PGA5: variants seen among roughly 807,000 people sequenced by gnomAD.
PGA5 encodes the protein pepsin A-5.
Under a neutral mutation model 15.9 loss-of-function variants are expected in PGA5, and 19 were observed. The ratio of observed to expected loss-of-function variants is 1.19; its 90% CI spans 0.83 to 1.75. PGA5 has a LOEUF of 1.75. Ranked by LOEUF, PGA5 falls within the 40% of genes most tolerant of loss-of-function variation. The probability of loss-of-function intolerance (pLI) is 0.00; values close to 1 mark genes in which losing one functional copy is unlikely to be tolerated. For missense variants in PGA5, 224 were observed against 246.4 expected (o/e 0.91, Z 0.61); for synonymous variants, 92 against 95.8 (o/e 0.96, Z 0.23).
chr11:61,247,626 C>G lies in PGA5; in HGVS notation c.657-793C>G, dbSNP rs147588833. On this transcript the variant is annotated intron_variant, in intron 5 of 8. Transcript: ENST00000312403. ...GTCTACATTTCCTTCCACATCTAAC[C>G]TGAAACTGCAGAGATTTAGAAAATG... 1.2e-3 allele frequency among the ~76,000 whole-genome samples: 184 copies of G among 152,146 alleles called. 1 individual carries two copies. The highest frequency in any genetic ancestry group is 4.1e-3 in the African/African-American group (170 of 41,420).
intron 5 of PGA5, among the ~76,000 whole-genome samples, chr11:61,247,155 T>A (rs970838971): frequency 6.6e-5 from 10 of 151,990 alleles, no homozygotes; most frequent in African/African-American, 1.9e-4. Context: ...GTCTCCTCGG[T>A]TGGTAACTAC....
intron 6 of PGA5, chr11:61,249,202 A>C (rs1854105872): frequency 3.4e-6 from 1 of 291,570 alleles, no homozygotes; most frequent in African/African-American, 2.2e-5. Context: ...CACCTGCCCC[A>C]GCCCTCTGGT....
At chr11:61,246,444 C>G (rs919551499) in intron 5 of PGA5, among the ~76,000 whole-genome samples, 4 of 151,858 alleles carry the variant, frequency 2.6e-5, no homozygotes, top group Admixed American at 6.6e-5. Context: ...CCCTTGGCCC[C>G]CAAAGATACC....
chr11:61,246,481 C>T (rs1046629828), intron 5 of PGA5, among the ~76,000 whole-genome samples: 12 of 151,868 alleles, frequency 7.9e-5, no homozygotes, highest in South Asian at 4.1e-4. Context: ...GTTAGCCAGG[C>T]ATGGTGTCTC....
chr11:61,250,367 C>A (rs1217252586), intron 8 of PGA5, among the ~76,000 whole-genome samples: 1 of 151,484 alleles, frequency 6.6e-6, no homozygotes, highest in Non-Finnish European at 1.5e-5. Flanking sequence ...GTAGAGATGG[C>A]AGCTTTCCCC....
In PGA5 at chr11:61,249,812, A is replaced by G; in HGVS notation, c.917A>G (p.Asp306Gly). ...GGAGCCAGCGAGAACTCAGATGGCG[A>G]CGTGAGTCCAGCCCCGACTGCCCTG... is the stretch of plus-strand genomic sequence containing the variant. ...DIGASENSDG[D>G]MVVSCSAISS... The change falls in exon 7 of 9, where the codon GAC (aspartate) becomes GGC (glycine). Residue 306 changes from aspartate (D) to glycine (G), a missense_variant and splice_region_variant. Coordinates refer to ENST00000312403, the MANE Select transcript of PGA5 (RefSeq NM_014224.5). 6.2e-7 allele frequency: 1 copy of G among 1,613,584 alleles called. No homozygotes were observed. Among genetic ancestry groups the G allele is most frequent in the Non-Finnish European group, 8.5e-7 (1 of 1,179,826 alleles).
Position 61,250,017 on chromosome 11 carries a change from G to A in PGA5, c.1017+3G>A. On this transcript the variant is annotated splice_donor_region_variant and intron_variant, in intron 8 of 8. Transcript: ENST00000312403. The stretch of plus-strand genomic sequence containing the variant: ...CACCCAGTGCCTACATCCTGCAGGT[G>A]AGGAGGCTCTGGACCATCCACTAGA... 1.2e-6 allele frequency: 2 copies of A among 1,607,030 alleles called. No homozygotes were observed. Among genetic ancestry groups the A allele is most frequent in the South Asian group, 1.1e-5 (1 of 90,364 alleles).
chr11:61,249,553 T>G, intron 6 of PGA5, 116 bp from the exon 7 acceptor site: 5 of 1,572,520 alleles, frequency 3.2e-6, no homozygotes, highest in Non-Finnish European at 3.5e-6. Flanking sequence ...AACAGAAATT[T>G]CACGCATTGG....
intron 5 of PGA5, among the ~76,000 whole-genome samples, chr11:61,247,066 C>G (rs1356005506): frequency 6.6e-6 from 1 of 151,992 alleles, no homozygotes; most frequent in Non-Finnish European, 1.5e-5. Context: ...GGGCATCCTC[C>G]ACTTTCTTAA....
At position 61,249,678 on chromosome 11, in the gene PGA5, G is replaced by C. The variant is rs539466850; in HGVS notation, c.783G>C (p.Met261Ile). The C allele has an allele frequency of 6.2e-7, 1 of 1,613,444 alleles. No individual in the cohort carries two copies. Residue 261 changes from methionine to isoleucine, a missense_variant, in exon 7 of 9, where the codon ATG becomes ATC. Physicochemically the swap from Met to Ile is conservative, Grantham distance 10 (BLOSUM62 1). Transcript: ENST00000312403. ...TGCTTCTTACCCTCAGCATCACCAT[G>C]AACGGAGAGACCATCGCCTGTGCTG... is the stretch of plus-strand genomic sequence containing the variant. ...YWQITVDSIT[M>I]NGETIACAEG...
At chr11:61,249,388 C>G in intron 6 of PGA5, 1 of 574,718 alleles carries the variant, frequency 1.7e-6, no homozygotes. Flanking sequence ...GCCAACATAA[C>G]TTATCTTGCC....
intron 5 of PGA5, among the ~76,000 whole-genome samples, chr11:61,247,546 G>A (rs571694348): frequency 3.3e-5 from 5 of 151,926 alleles, no homozygotes; most frequent in Non-Finnish European, 7.4e-5. Flanking sequence ...CAAAGTGCTG[G>A]GATTACAGGC....
At position 61,248,542 on chromosome 11, in the gene PGA5, C is replaced by T. The variant is rs12286703; in HGVS notation, c.773+7C>T. ...GGCAGATCACCGTGGACAGGTGAGACTGCCATGAACGGGCAGCATCCAGGC... is the reference window on the plus strand; with the variant it reads ...GGCAGATCACCGTGGACAGGTGAGATTGCCATGAACGGGCAGCATCCAGGC... On this transcript the variant is annotated splice_region_variant and intron_variant, in intron 6 of 8. Transcript: ENST00000312403. The T allele has an allele frequency of 0.05, 80,390 of 1,611,292 alleles. 14,803 individuals are homozygous for T. In the African/African-American group the frequency reaches 0.58, roughly 12 times the overall value.
intron 6 of PGA5, 177 bp from the exon 7 acceptor site, chr11:61,249,492 A>G (rs1480280938): frequency 1.6e-6 from 2 of 1,253,930 alleles, no homozygotes; most frequent in Non-Finnish European, 2.2e-6. Flanking sequence ...GCACTTGGGA[A>G]ATATTTGTAG....
intron 6 of PGA5, among the ~76,000 whole-genome samples, chr11:61,248,801 C>A (rs1010176855): frequency 6.6e-6 from 1 of 152,086 alleles, no homozygotes; most frequent in Admixed American, 6.5e-5. Context: ...GCAGGACCAT[C>A]CACCAGCATC....
Position 61,251,281 on chromosome 11 carries a change from A to C in PGA5, c.1167A>C (p.Ter389TyrextTer2), listed in dbSNP as rs772248064. 4 of 1,611,880 alleles carry C rather than the reference A, an allele frequency of 2.5e-6. No homozygotes were observed. The Admixed American group carries it at 6.7e-5, about 27-fold the overall frequency. Residue 389 changes from the stop codon to tyrosine, a stop_lost, in exon 9 of 9, where the codon TAA becomes TAC. Coordinates refer to ENST00000312403, the MANE Select transcript of PGA5 (RefSeq NM_014224.5). Reference protein sequence around the residue: ...NNQVGLAPVA* With the variant: ...NNQVGLAPVAY ...AGGTCGGCCTGGCCCCTGTGGCTTA[A>C]GCCTAAGTCTCTTCAGCCACCTCCC... is the stretch of plus-strand genomic sequence containing the variant.
intron 6 of PGA5, among the ~76,000 whole-genome samples, chr11:61,248,794 G>A (rs1243225118): frequency 1.3e-5 from 2 of 152,110 alleles, no homozygotes; most frequent in Non-Finnish European, 2.9e-5. Context: ...CACGGAGGCA[G>A]GACCATCCAC....
At chr11:61,249,557 G>A (rs1157189941) in intron 6 of PGA5, 112 bp from the exon 7 acceptor site, 12 of 1,577,198 alleles carry the variant, frequency 7.6e-6, no homozygotes, top group African/African-American at 2.7e-5. Flanking sequence ...GAAATTTCAC[G>A]CATTGGCCAA....
rs566648145 is a variant in PGA5, at chr11:61,246,143, C to T, written c.654C>T (p.Ser218=). The T allele has an allele frequency of 4.7e-4, 188 of 397,426 alleles. 5 individuals carry two copies. Among genetic ancestry groups the T allele is most frequent in the South Asian group, 3.9e-3 (184 of 46,768 alleles). 24.6% of individuals were successfully genotyped at this position (397,426 alleles called of 1,614,324 possible). ...VSQDLFSVYL[S]ADDKSGSVVI... ...AGGACCTCTTCTCTGTCTACCTCAG[C>T]GCGTAAGTTGAGTGGAGAGGGGCCT... is the stretch of plus-strand genomic sequence containing the variant. Residue 218 remains serine, a splice_region_variant and synonymous_variant, in exon 5 of 9, where the codon AGC becomes AGT. Coordinates refer to ENST00000312403, the MANE Select transcript of PGA5 (RefSeq NM_014224.5).
Sources: gnomAD v4.1 joint callset for allele counts (sites outside exome capture counted in the v4.1 genomes callset) on GRCh38, gnomAD v4.1.1 for gene constraint, MANE v1.5 for transcripts, NCBI Gene and HGNC (gene_info 2026-07-23, HGNC 2026-07-21) for gene names.